The following KRT72 variants were observed in gnomAD, a reference collection of about 807,000 sequenced individuals.
KRT72 encodes keratin, type II cytoskeletal 72.
A neutral mutation model predicts 44.7 loss-of-function variants in KRT72; 44 were observed. The observed-to-expected ratio is 0.98, with a 90% CI of 0.77 to 1.27. The LOEUF is 1.27. Ranked by LOEUF, KRT72 falls within the 50% of genes most tolerant of loss-of-function variation. The probability of loss-of-function intolerance (pLI) is 0.00; values close to 1 mark genes in which losing one functional copy is unlikely to be tolerated. For missense variants in KRT72, 736 were observed against 667.1 expected (o/e 1.10, Z -1.14); for synonymous variants, 302 against 280.4 (o/e 1.08, Z -0.77).
intron 2 of KRT72, among the ~76,000 whole-genome samples, chr12:52,598,627 C>A (rs564298496): frequency 6.6e-6 from 1 of 152,280 alleles, no homozygotes; most frequent in Non-Finnish European, 1.5e-5. Context: ...TCAGGAGGAA[C>A]TACAAAGGCA....
At chr12:52,595,918 T>C (rs1940213294) in intron 2 of KRT72, among the ~76,000 whole-genome samples, 1 of 143,528 alleles carries the variant, frequency 7.0e-6, no homozygotes, top group Admixed American at 6.8e-5. Flanking sequence ...AGATGGTTTT[T>C]AATTTTTGCT....
intron 6 of KRT72, among the ~76,000 whole-genome samples, chr12:52,589,352 C>G (rs1463474846): frequency 6.6e-6 from 1 of 152,172 alleles, no homozygotes; most frequent in Non-Finnish European, 1.5e-5. Flanking sequence ...AAGGAGATGC[C>G]TAGGACCCAG....
rs1165748316 is a variant in KRT72 at position 52,586,165 on chromosome 12, G to C, written c.1353C>G (p.Ile451Met). 15 of 1,613,378 alleles carry C rather than the reference G, an allele frequency of 9.3e-6. No homozygotes were observed. The highest frequency in any genetic ancestry group is 1.2e-5 in the Non-Finnish European group (14 of 1,179,680). The change falls in exon 9 of 9, where the codon ATC becomes ATG. Residue 451 changes from isoleucine to methionine, a missense_variant. Ile to Met is a conservative substitution (Grantham distance 10). Transcript: ENST00000293745. ...CTCCTGCCCCAGCATTGGTGCTGCT[G>C]ATGACGGCTGGAATGGATGAGAGAA... ...EYPNSVSISV[I>M]SSTNAGAGGA...
chr12:52,587,855 AG>A lies in KRT72; in HGVS notation c.1090-5del, dbSNP rs766231870. On this transcript the variant is annotated splice_region_variant and splice_polypyrimidine_tract_variant and intron_variant, in intron 6 of 8. Coordinates refer to ENST00000293745, the MANE Select transcript of KRT72 (RefSeq NM_080747.3). Reference sequence around the variant, plus strand: ...TGGCCGTCTCCAGATCGGCACACTGAGGGGCAAACAGATCCAGCACTTAAGA... The same window carrying A: ...TGGCCGTCTCCAGATCGGCACACTGAGGGCAAACAGATCCAGCACTTAAGA... The A allele has an allele frequency of 1.2e-5, 19 of 1,613,066 alleles. No homozygotes were observed. The highest frequency in any genetic ancestry group is 1.5e-5 in the Non-Finnish European group (18 of 1,179,326).
Position 52,585,704 on chromosome 12 carries a change from G to C in KRT72, c.*278C>G, listed in dbSNP as rs1242525649. On this transcript the variant is annotated 3_prime_UTR_variant, in exon 9 of 9. Transcript: ENST00000293745. ...GAAAGGCATGGGGGCAGAGGGGCTT[G>C]TAGCTGGCCTTGGGGAAACATCCTG... 1 of 384,874 alleles carries C rather than the reference G, an allele frequency of 2.6e-6. No individual in the cohort carries two copies. Among genetic ancestry groups the C allele is most frequent in the African/African-American group, 2.0e-5 (1 of 48,828 alleles). 23.8% of individuals were successfully genotyped at this position (384,874 alleles called of 1,614,324 possible).
intron 6 of KRT72, among the ~76,000 whole-genome samples, chr12:52,590,061 G>A (rs1939938547): frequency 6.6e-6 from 1 of 152,138 alleles, no homozygotes; most frequent in South Asian, 2.1e-4. Context: ...TGGGGTGCAG[G>A]GGAGGGTAAG....
At position 52,601,092 on chromosome 12, in the gene KRT72, C is replaced by T; in HGVS notation, c.361G>A (p.Val121Met). The change falls in exon 1 of 9, where the codon GTG (valine) becomes ATG (methionine). Residue 121 changes from valine (V) to methionine (M), a missense_variant. By Grantham distance (21) the Val-to-Met change is conservative. Coordinates refer to ENST00000293745, the MANE Select transcript of KRT72 (RefSeq NM_080747.3). The part of the protein sequence containing the change: ...NVEMDPEIQR[V>M]RAQEREQIKA... The stretch of plus-strand genomic sequence containing the variant: ...ATCTGCTCCCGCTCCTGGGCGCGCA[C>T]CCTCTGGATCTCGGGGTCCATCTCC... The T allele has an allele frequency of 6.2e-7, 1 of 1,612,660 alleles. No homozygotes were observed. Among genetic ancestry groups the T allele is most frequent in the Non-Finnish European group, 8.5e-7 (1 of 1,179,560 alleles).
At chr12:52,593,816 G>C in intron 2 of KRT72, among the ~76,000 whole-genome samples, 1 of 152,302 alleles carries the variant, frequency 6.6e-6, no homozygotes, top group South Asian at 2.1e-4. Context: ...GAGATACTTA[G>C]AGTAGTCTAA....
Position 52,585,749 on chromosome 12 carries a change from T to G in KRT72, c.*233A>C, listed in dbSNP as rs1939711269. 9.9e-6 allele frequency: 5 copies of G among 504,334 alleles called. No homozygotes were observed. The highest frequency in any genetic ancestry group is 1.8e-5 in the Non-Finnish European group (5 of 282,742). 31.2% of individuals were successfully genotyped at this position (504,334 alleles called of 1,614,324 possible). On this transcript the variant is annotated 3_prime_UTR_variant, in exon 9 of 9. Transcript: ENST00000293745. Reference sequence around the variant, plus strand: ...ATCCTGGGTAAGTGTTGTCTTTGCATTTCAGGCAATGACCCAACGAAACGG... The same window carrying G: ...ATCCTGGGTAAGTGTTGTCTTTGCAGTTCAGGCAATGACCCAACGAAACGG...
At chr12:52,596,177 G>A (rs12822166) in intron 2 of KRT72, among the ~76,000 whole-genome samples, 52,598 of 151,948 alleles carry the variant, frequency 0.35, 9,778 homozygotes, top group East Asian at 0.59. Context: ...CACTATGGAA[G>A]AAAGAAAAAG....
intron 2 of KRT72, among the ~76,000 whole-genome samples, chr12:52,598,576 G>A (rs1304387301): frequency 2.0e-5 from 3 of 152,118 alleles, no homozygotes; most frequent in Admixed American, 1.3e-4. Flanking sequence ...TGGAATTGGT[G>A]GGGTGTCTTA....
chr12:52,586,935 C>T lies in KRT72; in HGVS notation c.1345+11G>A, dbSNP rs768494892. The T allele has an allele frequency of 1.9e-6, 3 of 1,612,228 alleles. No individual in the cohort carries two copies. The Admixed American group carries it at 5.0e-5, about 27-fold the overall frequency. On this transcript the variant is annotated intron_variant, in intron 8 of 8. Transcript: ENST00000293745. The stretch of plus-strand genomic sequence containing the variant: ...TGACCAAGGGCAGAACTGAGATCTG[C>T]AGATACTTACAGATGCTCACAGAAT...
chr12:52,597,805 A>G (rs1252834165), intron 2 of KRT72, among the ~76,000 whole-genome samples: 1 of 152,188 alleles, frequency 6.6e-6, no homozygotes, highest in African/African-American at 2.4e-5. Context: ...TTAGGTAGCA[A>G]GGCAAGTATC....
intron 2 of KRT72, 56 bp from the exon 3 acceptor site, chr12:52,593,008 T>C: frequency 4.0e-6 from 6 of 1,492,970 alleles, no homozygotes; most frequent in Non-Finnish European, 4.6e-6. Context: ...ACTGAACAGT[T>C]AGTGACCACC....
rs1456826422 is a variant in KRT72 at position 52,587,832 on chromosome 12, G to A, written c.1109C>T (p.Ala370Val). 2 of 1,613,958 alleles carry A rather than the reference G, an allele frequency of 1.2e-6. No individual in the cohort carries two copies. Among genetic ancestry groups the A allele is most frequent in the Middle Eastern group, 1.6e-4 (1 of 6,084 alleles). ...VKKQCADLET[A>V]IADAEQRGDC... Reference sequence around the variant, plus strand: ...CCCCCGCTGTTCAGCGTCGGCGATGGCCGTCTCCAGATCGGCACACTGAGG... The same window carrying A: ...CCCCCGCTGTTCAGCGTCGGCGATGACCGTCTCCAGATCGGCACACTGAGG... The change falls in exon 7 of 9, where the codon GCC becomes GTC. Residue 370 changes from alanine (A) to valine (V), a missense_variant. Coordinates refer to ENST00000293745, the MANE Select transcript of KRT72 (RefSeq NM_080747.3).
Position 52,587,388 on chromosome 12 carries a change from G to A in KRT72, c.1310+243C>T, listed in dbSNP as rs867504573. 3.0e-4 allele frequency among the ~76,000 whole-genome samples: 46 copies of A among 152,122 alleles called. No individual in the cohort carries two copies. The Middle Eastern group carries it at 0.014, about 45-fold the overall frequency. On this transcript the variant is annotated intron_variant, in intron 7 of 8. Transcript: ENST00000293745. The stretch of plus-strand genomic sequence containing the variant: ...CCACCCACAAAAATGCACCATGAAC[G>A]GTCGGGGATGCTGTTTCTCAAACAT...
At chr12:52,594,789 C>T (rs570840710) in intron 2 of KRT72, among the ~76,000 whole-genome samples, 117 of 152,128 alleles carry the variant, frequency 7.7e-4, no homozygotes, top group Non-Finnish European at 1.3e-3. Flanking sequence ...CTGAGCAGTG[C>T]AGGGTAGTGA....
chr12:52,596,857 C>T (rs1048078221), intron 2 of KRT72, among the ~76,000 whole-genome samples: 33 of 151,978 alleles, frequency 2.2e-4, no homozygotes, highest in Admixed American at 1.9e-3. Context: ...TCTAAGGTTT[C>T]GAGATACATG....
intron 6 of KRT72, among the ~76,000 whole-genome samples, chr12:52,590,231 C>G (rs1939945520): frequency 6.6e-6 from 1 of 152,200 alleles, no homozygotes. Context: ...GTGTCCTCCC[C>G]ACAGCACAGC....
Sources: allele counts gnomAD v4.1 joint callset (sites outside exome capture counted in the v4.1 genomes callset), GRCh38; gene constraint gnomAD v4.1.1; transcripts MANE v1.5; gene names NCBI Gene and HGNC (gene_info 2026-07-23, HGNC 2026-07-21).